The following ARL5A variants were observed in gnomAD, a reference collection of about 807,000 sequenced individuals.
The protein encoded by ARL5A is ARF like GTPase 5A.
In ARL5A, 18 loss-of-function variants were observed where a neutral mutation model predicts 25.9. The observed-to-expected ratio is 0.69, with a 90% CI of 0.48 to 1.03. ARL5A has a LOEUF of 1.03. Ranked by LOEUF, ARL5A falls within the 50% of genes least tolerant of loss-of-function variation. ARL5A has a pLI of 0.00. For missense variants in ARL5A, 170 were observed against 211.9 expected (o/e 0.80, Z 1.23); for synonymous variants, 61 against 67.5 (o/e 0.90, Z 0.47).
chr2:151,808,924 T>A (rs770894988), intron 4 of ARL5A, among the ~76,000 whole-genome samples: 6 of 152,176 alleles, frequency 3.9e-5, no homozygotes, highest in Non-Finnish European at 7.3e-5. Context: ...GGTGCACACC[T>A]GTACTCTCAG....
rs967515378 is a variant in ARL5A, at chr2:151,800,873, A to C, written c.*2403T>G. 2.6e-5 allele frequency: 4 copies of C among 152,608 alleles called. No homozygotes were observed. The highest frequency in any genetic ancestry group is 5.9e-5 in the Non-Finnish European group (4 of 68,024). The allele number at this position is 152,608 out of a possible 1,614,324, so 9.5% of individuals were successfully genotyped here. On this transcript the variant is annotated 3_prime_UTR_variant, in exon 6 of 6. Coordinates refer to ENST00000295087, the MANE Select transcript of ARL5A (RefSeq NM_012097.4). Reference sequence around the variant, plus strand: ...TGAATCTTTGTTCTTCTCAGAGCTGAACACAATGACTCCACGAGATGTTTT... The same window carrying C: ...TGAATCTTTGTTCTTCTCAGAGCTGCACACAATGACTCCACGAGATGTTTT...
intron 5 of ARL5A, among the ~76,000 whole-genome samples, chr2:151,803,843 CT>C (rs1362171312): frequency 6.6e-6 from 1 of 152,130 alleles, no homozygotes; most frequent in Non-Finnish European, 1.5e-5. Context: ...ACTCTGCATC[CT>C]TTTTTCTACT....
rs1390885815 is a variant in ARL5A, at chr2:151,814,184, G to A, written c.240C>T (p.Tyr80=). Reference sequence around the variant, plus strand: ...GAAACATTACCTCTGTGTTAGTATAGTAAGTGTTCCAGGAAGAACGAAGAG... The same window carrying A: ...GAAACATTACCTCTGTGTTAGTATAATAAGTGTTCCAGGAAGAACGAAGAG... ...QESLRSSWNT[Y]YTNTEFVIVV... Residue 80 remains tyrosine (Y), a synonymous_variant, in exon 3 of 6, where the codon TAC becomes TAT. Coordinates refer to ENST00000295087, the MANE Select transcript of ARL5A (RefSeq NM_012097.4). 7 of 1,598,236 alleles carry A rather than the reference G, an allele frequency of 4.4e-6. No individual in the cohort carries two copies. The East Asian group carries it at 1.6e-4, about 36-fold the overall frequency.
At chr2:151,822,849 T>C (rs1294740182) in intron 1 of ARL5A, among the ~76,000 whole-genome samples, 1 of 152,196 alleles carries the variant, frequency 6.6e-6, no homozygotes, top group Non-Finnish European at 1.5e-5. Flanking sequence ...ACTTTACTGT[T>C]TTGTCATGAA....
intron 1 of ARL5A, among the ~76,000 whole-genome samples, chr2:151,825,617 A>G (rs2099832947): frequency 6.6e-6 from 1 of 152,198 alleles, no homozygotes; most frequent in Admixed American, 6.5e-5. Context: ...ACTCAATCTG[A>G]GCTTTAACTG....
At chr2:151,806,579 T>C (rs1321351978) in intron 5 of ARL5A, among the ~76,000 whole-genome samples, 2 of 152,160 alleles carry the variant, frequency 1.3e-5, no homozygotes, top group Non-Finnish European at 2.9e-5. Flanking sequence ...TGAGCTCCTA[T>C]AGCAATTATA....
At chr2:151,811,442 A>G (rs1417671309) in intron 4 of ARL5A, among the ~76,000 whole-genome samples, 12 of 152,126 alleles carry the variant, frequency 7.9e-5, no homozygotes, top group Admixed American at 7.9e-4. Flanking sequence ...TTTACTAAAT[A>G]CTATATAAAC....
intron 1 of ARL5A, among the ~76,000 whole-genome samples, chr2:151,819,753 A>G (rs78691918): frequency 3.0e-5 from 4 of 134,162 alleles, no homozygotes; most frequent in Non-Finnish European, 4.6e-5. Context: ...AAAACTACTG[A>G]AAAAAAAAAA....
chr2:151,825,973 A>G (rs565817461), intron 1 of ARL5A, among the ~76,000 whole-genome samples: 1 of 152,210 alleles, frequency 6.6e-6, no homozygotes, highest in Admixed American at 6.5e-5. Flanking sequence ...AAATACAAAA[A>G]TTAGCTGGGT....
At chr2:151,812,473 A>T (rs781176772) in intron 3 of ARL5A, 33 bp from the exon 4 acceptor site, 2 of 1,401,020 alleles carry the variant, frequency 1.4e-6, no homozygotes, top group Non-Finnish European at 2.0e-6. Context: ...ATTAGTGATT[A>T]TACAATTTGG....
At chr2:151,820,779 A>G (rs1486823563) in intron 1 of ARL5A, among the ~76,000 whole-genome samples, 3 of 151,752 alleles carry the variant, frequency 2.0e-5, no homozygotes, top group Non-Finnish European at 4.4e-5. Flanking sequence ...TAGCCATGGA[A>G]TTTGGGCCGG....
At chr2:151,815,672 T>C (rs1300791538) in intron 1 of ARL5A, among the ~76,000 whole-genome samples, 2 of 152,088 alleles carry the variant, frequency 1.3e-5, no homozygotes, top group Non-Finnish European at 2.9e-5. Flanking sequence ...AAATTATGAG[T>C]ACCTTAAAAC....
intron 3 of ARL5A, 32 bp from the exon 4 acceptor site, chr2:151,812,472 T>C: frequency 7.1e-7 from 1 of 1,409,852 alleles, no homozygotes; most frequent in Non-Finnish European, 9.7e-7. Flanking sequence ...TATTAGTGAT[T>C]ATACAATTTG....
At chr2:151,816,449 A>G (rs1455239348) in intron 1 of ARL5A, among the ~76,000 whole-genome samples, 2 of 152,252 alleles carry the variant, frequency 1.3e-5, no homozygotes, top group Admixed American at 6.5e-5. Flanking sequence ...GAAACATGAA[A>G]AATAATAAAT....
intron 1 of ARL5A, among the ~76,000 whole-genome samples, chr2:151,816,559 T>C (rs1306258871): frequency 6.6e-6 from 1 of 152,200 alleles, no homozygotes; most frequent in Non-Finnish European, 1.5e-5. Context: ...CAAATGACTT[T>C]TATTATTTCT....
intron 1 of ARL5A, among the ~76,000 whole-genome samples, chr2:151,819,459 ATTT>A (rs201257589): frequency 2.0e-5 from 3 of 151,632 alleles, no homozygotes; most frequent in Non-Finnish European, 4.4e-5. Flanking sequence ...AATGAGTGCC[ATTT>A]TTTTTTTGTT....
At chr2:151,825,804 C>G (rs985563783) in intron 1 of ARL5A, among the ~76,000 whole-genome samples, 1 of 150,912 alleles carries the variant, frequency 6.6e-6, no homozygotes, top group African/African-American at 2.4e-5. Context: ...ACATATCTAA[C>G]TTATATATGT....
At chr2:151,828,028 C>T in intron 1 of ARL5A, 103 bp downstream of exon 1, 1 of 1,309,444 alleles carries the variant, frequency 7.6e-7, no homozygotes, top group Non-Finnish European at 1.1e-6. Flanking sequence ...TGAGCTGGCG[C>T]CCGACCGAGC....
chr2:151,816,685 A>G (rs190541184), intron 1 of ARL5A, among the ~76,000 whole-genome samples: 2 of 152,300 alleles, frequency 1.3e-5, no homozygotes, highest in Admixed American at 1.3e-4. Context: ...AGAGTTCTTA[A>G]CCTGTTTTGC....
Sources: allele counts gnomAD v4.1 joint callset (sites outside exome capture counted in the v4.1 genomes callset), GRCh38; gene constraint gnomAD v4.1.1; transcripts MANE v1.5; gene names NCBI Gene and HGNC (gene_info 2026-07-23, HGNC 2026-07-21).